The following GPD2 variants were observed in gnomAD, a reference collection of about 807,000 sequenced individuals.
The protein encoded by GPD2 is glycerol-3-phosphate dehydrogenase, mitochondrial.
GPD2 carries 54 observed loss-of-function variants against 82.4 expected under a neutral mutation model. The observed-to-expected ratio is 0.66, with a 90% CI of 0.53 to 0.82. GPD2 has a LOEUF of 0.82. GPD2 is among the 40% of genes least tolerant of loss of function. The pLI is 0.00. For missense variants in GPD2, 748 were observed against 896.2 expected, an observed-to-expected ratio of 0.83 and a Z score of 2.11; for synonymous variants, 288 against 306.1, an observed-to-expected ratio of 0.94 and a Z score of 0.62.
intron 2 of GPD2, among the ~76,000 whole-genome samples, chr2:156,481,269 A>G (rs1045222414): frequency 2.6e-5 from 4 of 152,170 alleles, no homozygotes; most frequent in African/African-American, 4.8e-5. Context: ...GGTAATTAGC[A>G]TATCCATTAC....
chr2:156,400,288 A>G, the GPD2 span, among the ~76,000 whole-genome samples: 1 of 152,224 alleles, frequency 6.6e-6, no homozygotes, highest in Non-Finnish European at 1.5e-5. Context: ...ACCAGTCTCC[A>G]TGAGCACCCG....
chr2:156,552,920 G>C (rs13423974), intron 8 of GPD2, among the ~76,000 whole-genome samples: 1 of 117,632 alleles, frequency 8.5e-6, no homozygotes, highest in African/African-American at 3.4e-5. Flanking sequence ...TTTTTTTTGA[G>C]ATGAGGTTTT....
intron 2 of GPD2, among the ~76,000 whole-genome samples, chr2:156,483,256 T>C (rs1683801991): frequency 6.6e-6 from 1 of 152,244 alleles, no homozygotes; most frequent in Non-Finnish European, 1.5e-5. Flanking sequence ...GTTATGTGAA[T>C]GTGGCTGGGT....
chr2:156,416,218 C>G, the GPD2 span, among the ~76,000 whole-genome samples: 10 of 151,702 alleles, frequency 6.6e-5, no homozygotes, highest in Non-Finnish European at 1.3e-4. Context: ...GGTTGACAGG[C>G]ATTTGGGTTG....
At chr2:156,425,493 G>T in the GPD2 span, among the ~76,000 whole-genome samples, 1 of 152,080 alleles carries the variant, frequency 6.6e-6, no homozygotes, top group African/African-American at 2.4e-5. Flanking sequence ...CTTTTCTTCT[G>T]TGACAGTGTT....
At chr2:156,468,642 C>T (rs1683223676) in intron 1 of GPD2, among the ~76,000 whole-genome samples, 1 of 152,130 alleles carries the variant, frequency 6.6e-6, no homozygotes, top group African/African-American at 2.4e-5. Context: ...CTGGATTTCT[C>T]AGTGTAGGTG....
intron 6 of GPD2, among the ~76,000 whole-genome samples, chr2:156,531,170 C>T (rs769101492): frequency 1.8e-4 from 28 of 152,134 alleles, no homozygotes; most frequent in Non-Finnish European, 8.8e-5. Context: ...TTACTTTGGT[C>T]TTCTCTTCTC....
At chr2:156,509,957 A>G (rs1048928095) in intron 3 of GPD2, among the ~76,000 whole-genome samples, 1 of 151,224 alleles carries the variant, frequency 6.6e-6, no homozygotes, top group Non-Finnish European at 1.5e-5. Context: ...AATTTTTTGT[A>G]TTTTTAGTAG....
intron 1 of GPD2, among the ~76,000 whole-genome samples, chr2:156,444,260 C>T (rs187533916): frequency 5.4e-4 from 82 of 152,334 alleles, no homozygotes; most frequent in African/African-American, 1.7e-3. Context: ...GCATTCACAT[C>T]TAGAGGCTGC....
At chr2:156,503,635 G>A (rs1684672695) in intron 3 of GPD2, among the ~76,000 whole-genome samples, 1 of 152,124 alleles carries the variant, frequency 6.6e-6, no homozygotes, top group East Asian at 1.9e-4. Flanking sequence ...TGGCTAAGAT[G>A]TGTTACAAAT....
chr2:156,541,807 C>A (rs755394616), intron 6 of GPD2, among the ~76,000 whole-genome samples: 1 of 136,012 alleles, frequency 7.4e-6, no homozygotes, highest in Non-Finnish European at 1.5e-5. Context: ...CTTCCTTAAA[C>A]GTATAAAATG....
At chr2:156,572,620 G>A (rs1203504516) in intron 13 of GPD2, among the ~76,000 whole-genome samples, 3 of 152,168 alleles carry the variant, frequency 2.0e-5, no homozygotes, top group Non-Finnish European at 4.4e-5. Context: ...GACTGGATGA[G>A]ATTATATAGG....
At position 156,576,466 on chromosome 2, in the gene GPD2, TAAAA is replaced by T. The variant is rs34280846; in HGVS notation, c.1768-2412_1768-2409del. On this transcript the variant is annotated intron_variant, in intron 13 of 16. Transcript: ENST00000438166. ...TCTTTAAATACTTATTAAGCTGTGA[TAAAA>T]AAAAAAAAAACATTAGGTTTGTTCT... 3.0e-3 allele frequency among the ~76,000 whole-genome samples: 448 copies of T among 149,508 alleles called. 4 individuals are homozygous for T. The highest frequency in any genetic ancestry group is 0.01 in the African/African-American group (410 of 40,792).
chr2:156,487,781 G>A (rs750592445), intron 2 of GPD2, among the ~76,000 whole-genome samples: 1 of 152,162 alleles, frequency 6.6e-6, no homozygotes, highest in Non-Finnish European at 1.5e-5. Flanking sequence ...AGCCATCAGA[G>A]TTGAAAAGCA....
chr2:156,455,464 G>A (rs976119100), intron 1 of GPD2, among the ~76,000 whole-genome samples: 9 of 152,118 alleles, frequency 5.9e-5, no homozygotes, highest in Non-Finnish European at 1.3e-4. Context: ...CCTTTGACTC[G>A]TATATAAGAT....
intron 8 of GPD2, 51 bp from the exon 9 acceptor site, chr2:156,557,338 T>C (rs1210190920): frequency 9.0e-7 from 1 of 1,107,350 alleles, no homozygotes; most frequent in East Asian, 2.4e-5. Flanking sequence ...TGCAGATTAA[T>C]GTTAAACTTC....
the GPD2 span, among the ~76,000 whole-genome samples, chr2:156,412,206 TG>T: frequency 6.6e-6 from 1 of 151,950 alleles, no homozygotes; most frequent in Non-Finnish European, 1.5e-5. Context: ...GAGGCTAAGG[TG>T]GGTGGATCAT....
At chr2:156,521,048 C>CATA in intron 6 of GPD2, among the ~76,000 whole-genome samples, 1 of 152,070 alleles carries the variant, frequency 6.6e-6, no homozygotes, top group Non-Finnish European at 1.5e-5. Context: ...TTGCATGTGT[C>CATA]TACCAGGGTA....
intron 1 of GPD2, among the ~76,000 whole-genome samples, chr2:156,455,013 G>A (rs997560495): frequency 3.9e-5 from 6 of 152,068 alleles, no homozygotes; most frequent in African/African-American, 1.4e-4. Flanking sequence ...TGATGGTGGT[G>A]TAACCCTGGG....
Sources: gnomAD v4.1 joint callset for allele counts (sites outside exome capture counted in the v4.1 genomes callset) on GRCh38, gnomAD v4.1.1 for gene constraint, MANE v1.5 for transcripts, NCBI Gene and HGNC (gene_info 2026-07-23, HGNC 2026-07-21) for gene names.